The following FARP2 variants were observed in gnomAD, a reference collection of about 807,000 sequenced individuals.
The protein encoded by FARP2 is FERM, ARHGEF and pleckstrin domain-containing protein 2.
FARP2 carries 111 observed loss-of-function variants against 130.5 expected under a neutral mutation model. That is an observed-to-expected ratio of 0.85 (90% CI 0.73 to 1.00). FARP2 has a LOEUF of 1.00. Among genes scored for constraint, FARP2 ranks in the 50% least tolerant of loss-of-function variants. The pLI, the probability that FARP2 is intolerant of heterozygous loss-of-function variation, is 0.00. For synonymous variants in FARP2, 504 were observed against 516.9 expected (o/e 0.98, Z 0.34); for missense variants, 1,385 against 1,346.3 (o/e 1.03, Z -0.45).
chr2:241,493,453 G>A lies in FARP2; in HGVS notation c.3047+9G>A, dbSNP rs996907027. ...AAGTACACATTTGAAAGGTAATTTT[G>A]CAGGAGGCAGCCCTGGTCAGCTGCC... On this transcript the variant is annotated intron_variant, in intron 26 of 26. Coordinates refer to ENST00000264042, the MANE Select transcript of FARP2 (RefSeq NM_014808.4). 2.4e-5 allele frequency: 39 copies of A among 1,613,264 alleles called. No individual in the cohort carries two copies. The highest frequency in any genetic ancestry group is 3.3e-5 in the Non-Finnish European group (39 of 1,179,736).
intron 15 of FARP2, 109 bp downstream of exon 15, chr2:241,462,721 ACT>A: frequency 2.7e-6 from 2 of 727,940 alleles, no homozygotes; most frequent in Non-Finnish European, 4.6e-6. Context: ...ATGGAGCCTC[ACT>A]CTGTCACCCA....
At chr2:241,463,811 A>C (rs1485113435) in intron 16 of FARP2, 88 bp from the exon 17 acceptor site, 2 of 1,178,620 alleles carry the variant, frequency 1.7e-6, no homozygotes, top group Middle Eastern at 1.9e-4. Flanking sequence ...TCCAGCTGGA[A>C]CCAAGGCAGC....
intron 2 of FARP2, among the ~76,000 whole-genome samples, chr2:241,402,840 A>T (rs930500449): frequency 1.6e-3 from 10 of 6,098 alleles, no homozygotes; most frequent in Admixed American, 8.8e-3. Context: ...GCTAATTTAT[A>T]TATATATATA....
intron 16 of FARP2, 142 bp from the exon 17 acceptor site, chr2:241,463,757 C>G: frequency 1.3e-6 from 1 of 762,086 alleles, no homozygotes; most frequent in Non-Finnish European, 2.2e-6. Context: ...CCAGGGCAGG[C>G]CCTGCCCTGC....
chr2:241,373,171 A>G lies in FARP2; in HGVS notation c.64A>G (p.Thr22Ala). ...TGCAGGGATGCGCTTGGGTGCCCAG[A>G]CCCCTGTGGGAGTTAGCACCCTTGA... Reference protein sequence around the residue: ...QTAGMRLGAQTPVGVSTLEPG... With the variant: ...QTAGMRLGAQAPVGVSTLEPG... The change falls in exon 2 of 27, where the codon ACC becomes GCC. Residue 22 changes from threonine (T) to alanine (A), a missense_variant. By Grantham distance (58) the Thr-to-Ala change is moderately conservative. Coordinates refer to ENST00000264042, the MANE Select transcript of FARP2 (RefSeq NM_014808.4). 2 of 1,566,370 alleles carry G rather than the reference A, an allele frequency of 1.3e-6. No homozygotes were observed. Among genetic ancestry groups the G allele is most frequent in the Non-Finnish European group, 8.7e-7 (1 of 1,149,526 alleles).
intron 24 of FARP2, among the ~76,000 whole-genome samples, chr2:241,492,363 T>G (rs1051075279): frequency 3.3e-5 from 5 of 152,118 alleles, no homozygotes; most frequent in African/African-American, 4.8e-5. Flanking sequence ...CCAGGACACC[T>G]GAGATCTAAG....
chr2:241,465,770 C>T (rs1056463990), intron 17 of FARP2: 2 of 1,550,634 alleles, frequency 1.3e-6, no homozygotes, highest in Non-Finnish European at 1.7e-6. Flanking sequence ...CAAGCTCCCC[C>T]TCCTCCATCC....
chr2:241,455,680 C>A (rs2063812878), intron 13 of FARP2, among the ~76,000 whole-genome samples: 1 of 151,668 alleles, frequency 6.6e-6, no homozygotes, highest in African/African-American at 2.4e-5. Context: ...CCATGCCTGG[C>A]CTTTGGTGAT....
In FARP2 at chr2:241,459,627, G is replaced by A. The variant is rs892816017; in HGVS notation, c.1587+2705G>A. Among the ~76,000 whole-genome samples, 1 of 152,218 alleles carries A rather than the reference G, an allele frequency of 6.6e-6. No individual in the cohort carries two copies. The highest frequency in any genetic ancestry group is 2.4e-5 in the African/African-American group (1 of 41,460). On this transcript the variant is annotated intron_variant, in intron 14 of 26. Coordinates refer to ENST00000264042, the MANE Select transcript of FARP2 (RefSeq NM_014808.4). This position sits in a 1 kb window ranked among gnomAD's most constrained non-coding sequence, Gnocchi z 5.3. ...CATGGGCACATAGACCCTTCATGTG[G>A]GGACAGGTGGCGAAGCTCACAGGAA...
chr2:241,434,961 G>T lies in FARP2; in HGVS notation c.1032-1G>T. The T allele has an allele frequency of 6.5e-7, 1 of 1,549,618 alleles. No homozygotes were observed. Among genetic ancestry groups the T allele is most frequent in the Admixed American group, 1.8e-5 (1 of 57,058 alleles). On this transcript the variant is annotated splice_acceptor_variant, in intron 10 of 26. Transcript: ENST00000264042. LOFTEE classifies it high-confidence loss of function. ...TTAAAAATCTGAATCTTTATTCACA[G>T]TGGAAGAACTCAGAAACAACTAGTA... is the stretch of plus-strand genomic sequence containing the variant.
chr2:241,476,426 G>A (rs568192380), intron 19 of FARP2, among the ~76,000 whole-genome samples: 4 of 152,146 alleles, frequency 2.6e-5, no homozygotes, highest in South Asian at 2.1e-4. Flanking sequence ...AGTGGCTCAC[G>A]CCTGTAATCC....
At position 241,407,089 on chromosome 2, in the gene FARP2, T is replaced by G. The variant is rs1001628761; in HGVS notation, c.332-448T>G. On this transcript the variant is annotated intron_variant, in intron 4 of 26. Coordinates refer to ENST00000264042, the MANE Select transcript of FARP2 (RefSeq NM_014808.4). ...TCCCAAAGTGCTGGGATTACAGGCG[T>G]GAGCCACCGCGCCCAGCCCTACTTG... 1.3e-5 allele frequency among the ~76,000 whole-genome samples: 2 copies of G among 152,198 alleles called. 1 individual carries two copies. Among genetic ancestry groups the G allele is most frequent in the South Asian group, 4.1e-4 (2 of 4,834 alleles).
At chr2:241,419,740 T>C (rs1487843241) in intron 8 of FARP2, among the ~76,000 whole-genome samples, 1 of 152,218 alleles carries the variant, frequency 6.6e-6, no homozygotes, top group African/African-American at 2.4e-5. Flanking sequence ...TCACAGTTCA[T>C]GCTTATGAGA....
intron 5 of FARP2, among the ~76,000 whole-genome samples, chr2:241,409,077 T>TAGATA (rs1489556837): frequency 6.6e-6 from 1 of 151,970 alleles, no homozygotes; most frequent in African/African-American, 2.4e-5. Flanking sequence ...GATAGATAGA[T>TAGATA]ACCTGAAAAT....
Position 241,400,890 on chromosome 2 carries a change from T to TA in FARP2, c.184-2936dup, listed in dbSNP as rs1466927053. 2.0e-5 allele frequency among the ~76,000 whole-genome samples: 3 copies of TA among 152,066 alleles called. No individual in the cohort carries two copies. The South Asian group carries it at 6.2e-4, about 32-fold the overall frequency. ...CCACGGTTCATAATTTCTGACTAGT[T>TA]AACAGTCTCAGAAACCCTGGTCTGG... On this transcript the variant is annotated intron_variant, in intron 2 of 26. Transcript: ENST00000264042.
At chr2:241,437,892 C>T (rs766807636) in intron 12 of FARP2, among the ~76,000 whole-genome samples, 11 of 152,150 alleles carry the variant, frequency 7.2e-5, no homozygotes, top group Non-Finnish European at 1.5e-4. Context: ...GTCTTGATCT[C>T]CTGACCTCAT....
At chr2:241,371,037 C>T (rs1402912804) in intron 1 of FARP2, among the ~76,000 whole-genome samples, 2 of 152,132 alleles carry the variant, frequency 1.3e-5, no homozygotes, top group Admixed American at 6.6e-5. Context: ...TTTTGCTTCT[C>T]CCGGAGGATT....
At position 241,459,847 on chromosome 2, in the gene FARP2, G is replaced by C. The variant is rs112731290; in HGVS notation, c.1588-2676G>C. ...GGCGGGGCGGGGGCAGGGGCGGGAC[G>C]GAAGACCCTTCTCTTGGCCAGTCTG... On this transcript the variant is annotated intron_variant, in intron 14 of 26. Transcript: ENST00000264042. The surrounding 1 kb of genome is among the most constrained non-coding windows in gnomAD (Gnocchi z 5.3). Among the ~76,000 whole-genome samples, 1 of 151,952 alleles carries C rather than the reference G, an allele frequency of 6.6e-6. No individual in the cohort carries two copies.
intron 2 of FARP2, among the ~76,000 whole-genome samples, chr2:241,379,611 A>T (rs937712288): frequency 6.6e-6 from 1 of 152,192 alleles, no homozygotes; most frequent in Admixed American, 6.5e-5. Flanking sequence ...TCCAGTAAAA[A>T]CTTAATGTTT....
Sources: gnomAD v4.1 joint callset for allele counts (sites outside exome capture counted in the v4.1 genomes callset) on GRCh38, gnomAD v4.1.1 for gene constraint, Gnocchi (gnomAD v3.1) non-coding constraint, MANE v1.5 for transcripts, NCBI Gene and HGNC (gene_info 2026-07-23, HGNC 2026-07-21) for gene names.